Variants in RRH observed in about 807,000 individuals in gnomAD.
RRH encodes the protein visual pigment-like receptor peropsin.
RRH carries 36 observed loss-of-function variants against 33.1 expected under a neutral mutation model. The ratio of observed to expected loss-of-function variants is 1.09; its 90% CI spans 0.83 to 1.44. The LOEUF (loss-of-function observed/expected upper bound fraction) is 1.44, where lower values mean the gene tolerates loss of function less well. Ranked by LOEUF, RRH falls within the 40% of genes most tolerant of loss-of-function variation. The pLI, the probability that RRH is intolerant of heterozygous loss-of-function variation, is 0.00. For missense variants in RRH, 393 were observed against 420.2 expected (o/e 0.94, Z 0.57); for synonymous variants, 124 against 140.2 (o/e 0.88, Z 0.82).
intron 6 of RRH, among the ~76,000 whole-genome samples, chr4:109,843,763 A>G (rs558220752): frequency 6.6e-6 from 1 of 152,234 alleles, no homozygotes; most frequent in Non-Finnish European, 1.5e-5. Flanking sequence ...TTAAATACAT[A>G]TAATTATTTA....
intron 1 of RRH, among the ~76,000 whole-genome samples, chr4:109,828,360 T>TA (rs1560582699): frequency 6.6e-6 from 1 of 152,072 alleles, no homozygotes; most frequent in Non-Finnish European, 1.5e-5. Context: ...AAAGCATTGT[T>TA]AGTGATGGCC....
rs1734043862 is a variant in RRH at position 109,844,450 on chromosome 4, T to C, written c.*253T>C. On this transcript the variant is annotated 3_prime_UTR_variant, in exon 7 of 7. Transcript: ENST00000317735. ...CATCAGAGGTTAAGGTCCCCTTTCT[T>C]TCTCCCTATTATGGCATGCATTACA... 2 of 396,406 alleles carry C rather than the reference T, an allele frequency of 5.0e-6. No individual in the cohort carries two copies. The highest frequency in any genetic ancestry group is 9.6e-6 in the Non-Finnish European group (2 of 209,240). 24.6% of individuals were successfully genotyped at this position (396,406 alleles called of 1,614,324 possible). A position where few individuals can be genotyped will look rare whatever the true frequency, so the allele number is the denominator to read the frequency against.
chr4:109,844,783 A>G lies in RRH; in HGVS notation c.*586A>G, dbSNP rs1289171345. 6.6e-6 allele frequency among the ~76,000 whole-genome samples: 1 copy of G among 152,174 alleles called. No individual in the cohort carries two copies. Among genetic ancestry groups the G allele is most frequent in the Admixed American group, 6.5e-5 (1 of 15,282 alleles). On this transcript the variant is annotated 3_prime_UTR_variant, in exon 7 of 7. Coordinates refer to ENST00000317735, the MANE Select transcript of RRH (RefSeq NM_006583.5). ...TTTGATGTTTTCTGCAATTTTGAGT[A>G]CCATTTTTCTGCATATATATTCCAT...
chr4:109,836,238 A>G, intron 4 of RRH, 78 bp downstream of exon 4: 1 of 1,477,256 alleles, frequency 6.8e-7, no homozygotes, highest in Non-Finnish European at 9.4e-7. Context: ...TTAAGCTCAG[A>G]TCATGTGTTC....
At chr4:109,833,520 T>C (rs1733806808) in intron 2 of RRH, among the ~76,000 whole-genome samples, 191 bp downstream of exon 2, 1 of 152,228 alleles carries the variant, frequency 6.6e-6, no homozygotes. Context: ...ACCATTGTTA[T>C]ATTTTCAAAA....
Position 109,840,770 on chromosome 4 carries a change from T to G in RRH, c.721-1699T>G, listed in dbSNP as rs547678646. 9.9e-5 allele frequency among the ~76,000 whole-genome samples: 15 copies of G among 151,868 alleles called. No individual in the cohort carries two copies. In the South Asian group the frequency reaches 1.7e-3, roughly 17 times the overall value. The stretch of plus-strand genomic sequence containing the variant: ...TTTTTTTTTTCTTTGCCTGTCAATG[T>G]AAAAGTTTTCTTAATGTCTGGTGGT... On this transcript the variant is annotated intron_variant, in intron 5 of 6. Coordinates refer to ENST00000317735, the MANE Select transcript of RRH (RefSeq NM_006583.5).
At chr4:109,843,817 T>C (rs186957327) in intron 6 of RRH, among the ~76,000 whole-genome samples, 5 of 152,328 alleles carry the variant, frequency 3.3e-5, no homozygotes, top group East Asian at 1.9e-4. Context: ...CAGTGCAAAA[T>C]TGACCTTTAA....
At chr4:109,833,100 A>G in intron 1 of RRH, 39 bp from the exon 2 acceptor site, 1 of 1,536,674 alleles carries the variant, frequency 6.5e-7, no homozygotes, top group East Asian at 2.2e-5. Flanking sequence ...AAACATTCAA[A>G]TTAAACAAAA....
rs1733801059 is a variant in RRH, at chr4:109,833,313, G to T, written c.281G>T (p.Gly94Val). Residue 94 changes from glycine to valine, a missense_variant, in exon 2 of 7, where the codon GGA (glycine) becomes GTA (valine). Transcript: ENST00000317735. ...GATCTGTATGGAAGTTGGAAATTTG[G>T]ATACGCAGGCTGTCAGGTATTGGAG... ...ASDLYGSWKF[G>V]YAGCQVYAGL... is the part of the protein sequence containing the mutation. 3.1e-6 allele frequency: 5 copies of T among 1,613,976 alleles called. No individual in the cohort carries two copies. Among genetic ancestry groups the T allele is most frequent in the Non-Finnish European group, 4.2e-6 (5 of 1,179,890 alleles).
chr4:109,834,647 A>AT (rs58560870), intron 2 of RRH, among the ~76,000 whole-genome samples: 32,371 of 148,992 alleles, frequency 0.22, 4,240 homozygotes, highest in East Asian at 0.43. Flanking sequence ...CCGGACCCCC[A>AT]TTTTTTTTTC....
chr4:109,839,635 C>T (rs1733950061), intron 5 of RRH, among the ~76,000 whole-genome samples: 1 of 152,096 alleles, frequency 6.6e-6, no homozygotes, highest in Non-Finnish European at 1.5e-5. Context: ...TCAACAAGCC[C>T]CAGTGTGTGT....
chr4:109,837,862 G>A (rs1200873980), intron 5 of RRH, among the ~76,000 whole-genome samples: 2 of 151,696 alleles, frequency 1.3e-5, no homozygotes, highest in South Asian at 2.1e-4. Context: ...TGCAACCTCC[G>A]CCTCCCGGGT....
Position 109,842,460 on chromosome 4 carries a change from T to A in RRH, c.721-9T>A. On this transcript the variant is annotated splice_polypyrimidine_tract_variant and intron_variant, in intron 5 of 6. Coordinates refer to ENST00000317735, the MANE Select transcript of RRH (RefSeq NM_006583.5). The stretch of plus-strand genomic sequence containing the variant: ...GTATTGGGCTTGGTGAATATTTATT[T>A]CTTTTCAGATGTCTGTGATCATGAT... 1 of 1,613,568 alleles carries A rather than the reference T, an allele frequency of 6.2e-7. No individual in the cohort carries two copies.
chr4:109,832,185 A>G (rs2125892256), intron 1 of RRH, among the ~76,000 whole-genome samples: 1 of 145,438 alleles, frequency 6.9e-6, no homozygotes, highest in African/African-American at 2.6e-5. Context: ...CCCCTTTAGG[A>G]TCTAGTATGC....
chr4:109,836,891 C>CAAAAAAAAAAAAAAAAAAAA (rs56989659), intron 4 of RRH, among the ~76,000 whole-genome samples: 54 of 84,398 alleles, frequency 6.4e-4, no homozygotes, highest in African/African-American at 1.2e-3. Flanking sequence ...CCTGTCTCTA[C>CAAAAAAAAAAAAAAAAAAAA]AAAAAAAAAA....
chr4:109,836,072 T>C lies in RRH; in HGVS notation c.463T>C (p.Trp155Arg). 6.2e-7 allele frequency: 1 copy of C among 1,614,134 alleles called. No individual in the cohort carries two copies. The highest frequency in any genetic ancestry group is 8.5e-7 in the Non-Finnish European group (1 of 1,179,980). Reference protein sequence around the residue: ...ILGAWINGLFWALMPIIGWAS... With the variant: ...ILGAWINGLFRALMPIIGWAS... ...GGGAGCCTGGATCAATGGCCTGTTTTGGGCTTTGATGCCTATCATAGGGTG... is the reference window on the plus strand; with the variant it reads ...GGGAGCCTGGATCAATGGCCTGTTTCGGGCTTTGATGCCTATCATAGGGTG... The change falls in exon 4 of 7, where the codon TGG becomes CGG. Residue 155 changes from tryptophan to arginine, a missense_variant. Trp to Arg is a moderately radical substitution (Grantham distance 101). Coordinates refer to ENST00000317735, the MANE Select transcript of RRH (RefSeq NM_006583.5).
chr4:109,839,654 C>T (rs1447804833), intron 5 of RRH, among the ~76,000 whole-genome samples: 3 of 152,100 alleles, frequency 2.0e-5, no homozygotes, highest in Non-Finnish European at 2.9e-5. Context: ...GTTGCTTCCG[C>T]TGTGTGTCCA....
In RRH at chr4:109,833,343, T is replaced by C. The variant is rs12513108; in HGVS notation, c.297+14T>C. ...GCAGGCTGTCAGGTATTGGAGATCA[T>C]TGGAATGAAAGCAAAATAAATAGAT... On this transcript the variant is annotated intron_variant, in intron 2 of 6. Transcript: ENST00000317735. The C allele has an allele frequency of 0.17, 272,787 of 1,604,922 alleles. 29,313 individuals carry two copies. Among genetic ancestry groups the C allele is most frequent in the East Asian group, 0.43 (19,442 of 44,790 alleles).
rs752032115 is a variant in RRH at position 109,844,077 on chromosome 4, T to C, written c.900-6T>C. 2.5e-6 allele frequency: 4 copies of C among 1,599,942 alleles called. No homozygotes were observed. Among genetic ancestry groups the C allele is most frequent in the Admixed American group, 1.7e-5 (1 of 59,986 alleles). ...TTAATGCCAGATTTTCCTTTTTTTA[T>C]CGTAGGTTTCGGAGGGCAATGCTTG... On this transcript the variant is annotated splice_region_variant and splice_polypyrimidine_tract_variant and intron_variant, in intron 6 of 6. Coordinates refer to ENST00000317735, the MANE Select transcript of RRH (RefSeq NM_006583.5).
Sources: gnomAD v4.1 joint callset for allele counts (sites outside exome capture counted in the v4.1 genomes callset) on GRCh38, gnomAD v4.1.1 for gene constraint, MANE v1.5 for transcripts, NCBI Gene and HGNC (gene_info 2026-07-23, HGNC 2026-07-21) for gene names.